Variants in NAV2 observed in about 807,000 individuals in gnomAD.
The protein encoded by NAV2 is neuron navigator 2, also known as helicase, APC down-regulated 1.
A neutral mutation model predicts 223.2 loss-of-function variants in NAV2; 54 were observed. The ratio of observed to expected loss-of-function variants is 0.24; its 90% CI spans 0.19 to 0.30. The LOEUF is 0.30. NAV2 is among the 10% of genes least tolerant of loss of function. NAV2 has a pLI of 1.00. For synonymous variants in NAV2, 1,279 were observed against 1,239.3 expected (o/e 1.03, Z -0.67); for missense variants, 2,806 against 3,147.5 (o/e 0.89, Z 2.60).
At chr11:20,088,881 G>C (rs910293778) in intron 26 of NAV2, among the ~76,000 whole-genome samples, 2 of 152,028 alleles carry the variant, frequency 1.3e-5, no homozygotes, top group Non-Finnish European at 1.5e-5. Context: ...GACATGATTT[G>C]GCTAAGAAGG....
chr11:19,552,346 T>G (rs1042453115), intron 1 of NAV2, among the ~76,000 whole-genome samples: 1 of 152,074 alleles, frequency 6.6e-6, no homozygotes. Flanking sequence ...AGTCATTGAG[T>G]GTTCAGCCTC....
chr11:19,858,974 T>TCCAC (rs2061532439), intron 3 of NAV2, among the ~76,000 whole-genome samples: 1 of 152,146 alleles, frequency 6.6e-6, no homozygotes, highest in African/African-American at 2.4e-5. Context: ...TTGACATATA[T>TCCAC]CCACCCACCC....
chr11:19,709,858 C>T (rs1210916304), upstream of NAV2, among the ~76,000 whole-genome samples: 1 of 151,846 alleles, frequency 6.6e-6, no homozygotes, highest in Non-Finnish European at 1.5e-5. Flanking sequence ...GAAGAAGAGG[C>T]AGGAAAAGAA....
chr11:20,061,792 T>A (rs2058724982), intron 19 of NAV2, among the ~76,000 whole-genome samples: 1 of 152,232 alleles, frequency 6.6e-6, no homozygotes, highest in Admixed American at 6.5e-5. Context: ...GAACTTACTG[T>A]GGCCAACAGC....
rs34649376 is a variant in NAV2 at position 19,818,231 on chromosome 11, A to ATTTTTTTTTTTTTT, written c.268-14235_268-14222dup. Among the ~76,000 whole-genome samples, 2 of 56,022 alleles carry ATTTTTTTTTTTTTT rather than the reference A, an allele frequency of 3.6e-5. 1 individual carries two copies. The highest frequency in any genetic ancestry group is 1.7e-4 in the African/African-American group (2 of 11,514). The allele number at this position is 56,022 out of a possible 152,430, so 36.8% of individuals were successfully genotyped here. ...CTGTCCCACCTGTGTGTATTTAGTG[A>ATTTTTTTTTTTTTT]TTTTTTTTTTTTTTTTTTTTTTTTT... is the stretch of plus-strand genomic sequence containing the variant. On this transcript the variant is annotated intron_variant, in intron 1 of 37. Transcript: ENST00000349880.
In NAV2 at chr11:19,953,505, C is replaced by A. The variant is rs186506777; in HGVS notation, c.2645+4425C>A. ...CCTCCCTCCTGGGACATGCTGCTTT[C>A]TTCCTGGAATTCCTTTCCCCTCATG... On this transcript the variant is annotated intron_variant, in intron 10 of 37. Coordinates refer to ENST00000349880, the MANE Select transcript of NAV2 (RefSeq NM_145117.5). Among the ~76,000 whole-genome samples, 34 of 152,358 alleles carry A rather than the reference C, an allele frequency of 2.2e-4. No individual in the cohort carries two copies. In the East Asian group the frequency reaches 2.7e-3, roughly 12 times the overall value.
rs1266479871 is a variant in NAV2 at position 20,105,375 on chromosome 11, A to G, written c.6645-156A>G. 7 of 583,154 alleles carry G rather than the reference A, an allele frequency of 1.2e-5. No homozygotes were observed. The Admixed American group carries it at 1.6e-4, about 14-fold the overall frequency. 36.1% of individuals were successfully genotyped at this position (583,154 alleles called of 1,614,324 possible). On this transcript the variant is annotated intron_variant, in intron 34 of 37. Transcript: ENST00000349880. The stretch of plus-strand genomic sequence containing the variant: ...GGTATCAGGAACTGTGAGTTAATAC[A>G]TAGTTACAATGTTTAGAAGAGTGTT...
At chr11:19,823,365 G>A (rs748248322) in intron 1 of NAV2, among the ~76,000 whole-genome samples, 1 of 152,130 alleles carries the variant, frequency 6.6e-6, no homozygotes, top group Non-Finnish European at 1.5e-5. Context: ...CTACCACCAT[G>A]CCTGGCTAAT....
intron 32 of NAV2, among the ~76,000 whole-genome samples, chr11:20,102,486 T>G (rs1460136315): frequency 6.6e-6 from 1 of 152,110 alleles, no homozygotes; most frequent in Non-Finnish European, 1.5e-5. Flanking sequence ...AGCTTCTCCT[T>G]CTGTAAAATG....
intron 37 of NAV2, among the ~76,000 whole-genome samples, chr11:20,115,912 C>T (rs1034230885): frequency 2.0e-5 from 3 of 152,038 alleles, no homozygotes; most frequent in Non-Finnish European, 4.4e-5. Context: ...AACCTTGTCT[C>T]AAACAAACAA....
intron 6 of NAV2, among the ~76,000 whole-genome samples, chr11:19,897,910 G>A (rs2042134982): frequency 8.9e-6 from 1 of 112,414 alleles, no homozygotes; most frequent in South Asian, 3.6e-4. Context: ...ATATATGTGA[G>A]CAGATTTGCC....
chr11:20,053,980 GAT>G, intron 17 of NAV2, 98 bp from the exon 18 acceptor site: 2 of 1,224,206 alleles, frequency 1.6e-6, no homozygotes, highest in Middle Eastern at 1.9e-4. Context: ...ATCATCTTCG[GAT>G]ATATGTTTTC....
At chr11:19,953,728 G>A (rs2585778) in intron 10 of NAV2, among the ~76,000 whole-genome samples, 138,310 of 152,300 alleles carry the variant, frequency 0.91, 62,892 homozygotes, top group East Asian at 0.98. Flanking sequence ...TTAAAAGGCA[G>A]ACAGACTTGA....
At chr11:19,617,089 T>C (rs1310977387) in intron 1 of NAV2, among the ~76,000 whole-genome samples, 2 of 152,092 alleles carry the variant, frequency 1.3e-5, no homozygotes, top group East Asian at 1.9e-4. Flanking sequence ...ATTTTCTCCC[T>C]AGAAGTCTAG....
At chr11:19,932,998 G>A (rs529628285) in intron 6 of NAV2, among the ~76,000 whole-genome samples, 178 bp from the exon 7 acceptor site, 63 of 152,346 alleles carry the variant, frequency 4.1e-4, no homozygotes, top group Middle Eastern at 3.4e-3. Context: ...AGTATGGAAA[G>A]CAGGAGGAAG....
At position 20,100,954 on chromosome 11, in the gene NAV2, C is replaced by T; in HGVS notation, c.6199C>T (p.Leu2067=). Residue 2067 remains leucine (L), a synonymous_variant, in exon 32 of 38, where the codon CTG becomes TTG. Transcript: ENST00000349880. ...VTVKGLAENS[L]DSLVFESLIP... is the part of the protein sequence containing the mutation. ...AAATGCAGGGCTCGCAGAAAACAGC[C>T]TGGACTCACTGGTGTTTGAGTCCTT... 6.2e-7 allele frequency: 1 copy of T among 1,613,988 alleles called. No individual in the cohort carries two copies. The highest frequency in any genetic ancestry group is 8.5e-7 in the Non-Finnish European group (1 of 1,179,898).
intron 1 of NAV2, among the ~76,000 whole-genome samples, chr11:19,364,575 G>A (rs184617176): frequency 2.0e-4 from 30 of 152,264 alleles, no homozygotes; most frequent in South Asian, 1.5e-3. Context: ...GCCTGTTCTG[G>A]CATATTTGTG....
chr11:19,992,231 G>A (rs960703757), intron 11 of NAV2, among the ~76,000 whole-genome samples: 1 of 152,192 alleles, frequency 6.6e-6, no homozygotes, highest in Non-Finnish European at 1.5e-5. Flanking sequence ...TAACTACATT[G>A]GCCTTGCCCA....
At chr11:19,890,846 A>T (rs2041448197) in intron 5 of NAV2, among the ~76,000 whole-genome samples, 1 of 152,132 alleles carries the variant, frequency 6.6e-6, no homozygotes, top group Admixed American at 6.5e-5. Context: ...AGTATTTTGT[A>T]CTCCGTTCTG....
Sources: gnomAD v4.1 joint callset for allele counts (sites outside exome capture counted in the v4.1 genomes callset) on GRCh38, gnomAD v4.1.1 for gene constraint, MANE v1.5 for transcripts, NCBI Gene and HGNC (gene_info 2026-07-23, HGNC 2026-07-21) for gene names.